The following KMT2D variants were observed in gnomAD, a reference collection of about 807,000 sequenced individuals.
The protein encoded by KMT2D is lysine methyltransferase 2D, also known as histone-lysine N-methyltransferase 2D.
A neutral mutation model predicts 512.7 loss-of-function variants in KMT2D; 55 were observed. That is an observed-to-expected ratio of 0.11 (90% CI 0.09 to 0.13). The LOEUF is 0.13. Ranked by LOEUF, KMT2D falls within the 10% of genes least tolerant of loss-of-function variation. KMT2D has a pLI of 1.00. For synonymous variants in KMT2D, 2,995 were observed against 2,904.0 expected, an observed-to-expected ratio of 1.03 and a Z score of -1.01; for missense variants, 6,061 against 7,127.9, an observed-to-expected ratio of 0.85 and a Z score of 5.39.
At chr12:49,034,029 G>A (rs1943090372) in intron 39 of KMT2D, 38 bp downstream of exon 39, 2 of 1,589,644 alleles carry the variant, frequency 1.3e-6, no homozygotes, top group Admixed American at 1.8e-5. Flanking sequence ...CCTCTTCCCT[G>A]CCTTCTGGGT....
chr12:49,036,243 T>C (rs1943208538), intron 35 of KMT2D, among the ~76,000 whole-genome samples: 1 of 152,060 alleles, frequency 6.6e-6, no homozygotes, highest in Non-Finnish European at 1.5e-5. Flanking sequence ...ATTCACTCAC[T>C]GTTCTTGAAA....
rs745998117 is a variant in KMT2D, at chr12:49,050,726, C to A, written c.2862G>T (p.Leu954Phe). The change falls in exon 12 of 55, where the codon TTG (leucine) becomes TTT (phenylalanine). Residue 954 changes from leucine (L) to phenylalanine (F), a missense_variant. Physicochemically the swap from Leu to Phe is conservative, Grantham distance 22. Transcript: ENST00000301067. ...TAAAPPALSP[L>F]GELEYPFGAK... Reference sequence around the variant, plus strand: ...CACCAAAGGGGTACTCTAACTCCCCCAAAGGAGACAGGGCCGGTGGGGCCG... The same window carrying A: ...CACCAAAGGGGTACTCTAACTCCCCAAAAGGAGACAGGGCCGGTGGGGCCG... 62 of 1,613,088 alleles carry A rather than the reference C, an allele frequency of 3.8e-5. No homozygotes were observed. The highest frequency in any genetic ancestry group is 4.7e-5 in the Non-Finnish European group (56 of 1,179,592).
Position 49,019,041 on chromosome 12 carries a change from ACTTGCC to A in KMT2D, c.*2733_*2738del. 7.3e-7 allele frequency: 1 copy of A among 1,367,346 alleles called. No homozygotes were observed. Among genetic ancestry groups the A allele is most frequent in the Non-Finnish European group, 9.4e-7 (1 of 1,061,222 alleles). The allele number at this position is 1,367,346 out of a possible 1,614,324, so 84.7% of individuals were successfully genotyped here. ...AAACTTGGAAGAAGCAAAATCCAAA[ACTTGCC>A]CTTTGCCTCTCGCAACATAAATATG... On this transcript the variant is annotated 3_prime_UTR_variant, in exon 55 of 55. Transcript: ENST00000301067.
At position 49,050,017 on chromosome 12, in the gene KMT2D, G is replaced by A. The variant is rs1565813066; in HGVS notation, c.3571C>T (p.Pro1191Ser). The A allele has an allele frequency of 6.2e-7, 1 of 1,613,914 alleles. No homozygotes were observed. Among genetic ancestry groups the A allele is most frequent in the Non-Finnish European group, 8.5e-7 (1 of 1,179,892 alleles). ...AGAGTGGGTGGTGTGGGGGCCACCGGTGCACGTGGCTCTTCCTGTTCTTCA... is the reference window on the plus strand; with the variant it reads ...AGAGTGGGTGGTGTGGGGGCCACCGATGCACGTGGCTCTTCCTGTTCTTCA... ...PCEEQEEPRA[P>S]VAPTPPTLIK... The change falls in exon 12 of 55, where the codon CCG becomes TCG. Residue 1191 changes from proline to serine, a missense_variant. Around this residue, in one of 16 missense-constraint regions of KMT2D, gnomAD observed 447 missense variants for 500.1 expected, o/e 0.89. Coordinates refer to ENST00000301067, the MANE Select transcript of KMT2D (RefSeq NM_003482.4).
chr12:49,031,456 G>C lies in KMT2D; in HGVS notation c.13249C>G (p.Gln4417Glu), dbSNP rs1484977768. 1 of 1,613,600 alleles carries C rather than the reference G, an allele frequency of 6.2e-7. No homozygotes were observed. The highest frequency in any genetic ancestry group is 1.3e-5 in the African/African-American group (1 of 74,918). Residue 4417 changes from glutamine to glutamate, a missense_variant, in exon 40 of 55, where the codon CAG (glutamine) becomes GAG (glutamate). Gln to Glu is a conservative substitution (Grantham distance 29, BLOSUM62 2). This residue lies in a region of KMT2D where 1,600 missense variants were observed against 1,754.9 expected (regional missense o/e 0.91). Transcript: ENST00000301067. ...GCACATGGCTCTTCCCGAGGTTCCT[G>C]CTTGATGCTGAGTTGGGATGCCTCA... ...VPEASQLSIK[Q>E]EPREEPCALG... is the part of the protein sequence containing the mutation.
At position 49,054,772 on chromosome 12, in the gene KMT2D, G is replaced by A. The variant is rs1295155264; in HGVS notation, c.177-21C>T. 1.2e-6 allele frequency: 2 copies of A among 1,610,292 alleles called. No individual in the cohort carries two copies. Among genetic ancestry groups the A allele is most frequent in the Admixed American group, 1.7e-5 (1 of 59,962 alleles). On this transcript the variant is annotated intron_variant, in intron 3 of 54. Transcript: ENST00000301067. This position sits in a 1 kb window ranked among gnomAD's most constrained non-coding sequence, Gnocchi z 6.4. The stretch of plus-strand genomic sequence containing the variant: ...CCCCACTGTGGACACACAAGCATCA[G>A]TACCACGCCAGGCCCCCAGCAACCC...
At position 49,044,195 on chromosome 12, in the gene KMT2D, C is replaced by CTCA. The variant is rs991832943; in HGVS notation, c.5188+2_5188+4dup. ...AGGCCCCACTGGTGCCCTCACCCGT[C>CTCA]TCACCCTCGTCGGGCTGCCCATCCC... On this transcript the variant is annotated splice_donor_region_variant and intron_variant, in intron 22 of 54. Coordinates refer to ENST00000301067, the MANE Select transcript of KMT2D (RefSeq NM_003482.4). The surrounding 1 kb of genome is among the most constrained non-coding windows in gnomAD (Gnocchi z 6.4). 1 of 1,610,868 alleles carries CTCA rather than the reference C, an allele frequency of 6.2e-7. No individual in the cohort carries two copies. Among genetic ancestry groups the CTCA allele is most frequent in the Non-Finnish European group, 8.5e-7 (1 of 1,179,424 alleles).
At position 49,039,183 on chromosome 12, in the gene KMT2D, C is replaced by T. The variant is rs2049739452; in HGVS notation, c.8366+39G>A. On this transcript the variant is annotated intron_variant, in intron 34 of 54. Coordinates refer to ENST00000301067, the MANE Select transcript of KMT2D (RefSeq NM_003482.4). The surrounding 1 kb of genome is among the most constrained non-coding windows in gnomAD (Gnocchi z 5.0). ...GCTTCCAACAGTGATAAAATCCATC[C>T]CCCTTGGTTTACCCCCAGGGAACCT... 1 of 1,608,290 alleles carries T rather than the reference C, an allele frequency of 6.2e-7. No homozygotes were observed. Among genetic ancestry groups the T allele is most frequent in the East Asian group, 2.2e-5 (1 of 44,838 alleles).
At position 49,026,222 on chromosome 12, in the gene KMT2D, C is replaced by G. The variant is rs1326023273; in HGVS notation, c.15744G>C (p.Gln5248His). 6.3e-7 allele frequency: 1 copy of G among 1,599,628 alleles called. No homozygotes were observed. Among genetic ancestry groups the G allele is most frequent in the Non-Finnish European group, 8.6e-7 (1 of 1,168,446 alleles). ...CAGTGAAGACCAGGTCCTCCAGGCC[C>G]TGCTCGATGACTTTGATTACAAACT... ...RPEFVIKVIE[Q>H]GLEDLVFTDA... Residue 5248 changes from glutamine to histidine, a missense_variant, in exon 49 of 55, where the codon CAG (glutamine) becomes CAC (histidine). Physicochemically the swap from Gln to His is conservative, Grantham distance 24 (BLOSUM62 0). Around this residue, in one of 16 missense-constraint regions of KMT2D, gnomAD observed 261 missense variants for 440.7 expected, o/e 0.59. Coordinates refer to ENST00000301067, the MANE Select transcript of KMT2D (RefSeq NM_003482.4). The surrounding 1 kb of genome is among the most constrained non-coding windows in gnomAD (Gnocchi z 9.6).
chr12:49,046,587 C>T lies in KMT2D; in HGVS notation c.4418+22G>A, dbSNP rs1447901826. 6.2e-7 allele frequency: 1 copy of T among 1,601,628 alleles called. No individual in the cohort carries two copies. The highest frequency in any genetic ancestry group is 2.2e-5 in the East Asian group (1 of 44,684). Reference sequence around the variant, plus strand: ...AACATCTCAAGGCCCCAGGGCTCCACTGAAGATCCCAGTCTCCTTACCACT... The same window carrying T: ...AACATCTCAAGGCCCCAGGGCTCCATTGAAGATCCCAGTCTCCTTACCACT... On this transcript the variant is annotated intron_variant, in intron 16 of 54. Coordinates refer to ENST00000301067, the MANE Select transcript of KMT2D (RefSeq NM_003482.4). The surrounding 1 kb of genome is among the most constrained non-coding windows in gnomAD (Gnocchi z 4.2).
chr12:49,037,061 G>A (rs1943255225), intron 35 of KMT2D, 64 bp downstream of exon 35: 3 of 1,511,558 alleles, frequency 2.0e-6, no homozygotes, highest in African/African-American at 1.4e-5. Flanking sequence ...TCTAGCCTCA[G>A]TGCCCATTTA....
Position 49,029,062 on chromosome 12 carries a change from T to A in KMT2D, c.14250A>T (p.Pro4750=), listed in dbSNP as rs766829760. 8.1e-6 allele frequency: 13 copies of A among 1,602,062 alleles called. No individual in the cohort carries two copies. The highest frequency in any genetic ancestry group is 6.7e-5 in the Admixed American group (4 of 59,572). Residue 4750 remains proline, a splice_region_variant and synonymous_variant, in exon 45 of 55, where the codon CCA becomes CCT. Coordinates refer to ENST00000301067, the MANE Select transcript of KMT2D (RefSeq NM_003482.4). ...GCCCACATCCAGAGTAGCACATACC[T>A]GGGATGCTGGCCCGAGGAATGAGGG... ...VIPLIPRASI[P]VFPDTKPYGA... is the part of the protein sequence containing the mutation.
At position 49,024,912 on chromosome 12, in the gene KMT2D, G is replaced by A. The variant is rs1942499617; in HGVS notation, c.15819C>T (p.Ala5273=). 4 of 1,598,462 alleles carry A rather than the reference G, an allele frequency of 2.5e-6. No individual in the cohort carries two copies. The East Asian group carries it at 9.1e-5, about 36-fold the overall frequency. ...GCAGCATGTCAGCCTCTTTTCTCATGGCAGCCACAGGCTCAATGATGCGAT... is the reference window on the plus strand; with the variant it reads ...GCAGCATGTCAGCCTCTTTTCTCATAGCAGCCACAGGCTCAATGATGCGAT... ...VWNRIIEPVA[A]MRKEADMLRL... is the part of the protein sequence containing the mutation. The change falls in exon 50 of 55, where the codon GCC becomes GCT. Residue 5273 remains alanine, a synonymous_variant. Coordinates refer to ENST00000301067, the MANE Select transcript of KMT2D (RefSeq NM_003482.4). This position sits in a 1 kb window ranked among gnomAD's most constrained non-coding sequence, Gnocchi z 4.5.
At position 49,051,696 on chromosome 12, in the gene KMT2D, A is replaced by T. The variant is rs1299429824; in HGVS notation, c.1987T>A (p.Ser663Thr). Residue 663 changes from serine (S) to threonine (T), a missense_variant, in exon 11 of 55, where the codon TCT becomes ACT. Transcript: ENST00000301067. ...AAGGGAGATTCCTCAGGCGGTGGAG[A>T]CAGGCGTGACACCACAGGCAGGGGG... is the stretch of plus-strand genomic sequence containing the variant. ...LSPLPVVSRL[S>T]PPPEESPLSP... is the part of the protein sequence containing the mutation. 2.1e-6 allele frequency: 3 copies of T among 1,429,280 alleles called. No homozygotes were observed. The African/African-American group carries it at 4.5e-5, about 21-fold the overall frequency. 88.5% of individuals were successfully genotyped at this position (1,429,280 alleles called of 1,614,324 possible).
intron 35 of KMT2D, among the ~76,000 whole-genome samples, chr12:49,036,546 T>C (rs550719353): frequency 7.1e-6 from 1 of 140,118 alleles, no homozygotes; most frequent in Non-Finnish European, 1.5e-5. Context: ...TGGAGTGCAA[T>C]GAGGCGATCT....
In KMT2D at chr12:49,026,628, T is replaced by C. The variant is rs1241895194; in HGVS notation, c.15338A>G (p.Tyr5113Cys). 6.2e-7 allele frequency: 1 copy of C among 1,613,978 alleles called. No individual in the cohort carries two copies. Among genetic ancestry groups the C allele is most frequent in the East Asian group, 2.2e-5 (1 of 44,878 alleles). ...SCNRMRCPNV[Y>C]HFACAIRAKC... ...GGCACGGATGGCACAAGCAAAATGG[T>C]AGACATTGGGGCAACGCATGCGATT... Residue 5113 changes from tyrosine to cysteine, a missense_variant, in exon 49 of 55, where the codon TAC becomes TGC. Physicochemically the swap from Tyr to Cys is radical, Grantham distance 194. Coordinates refer to ENST00000301067, the MANE Select transcript of KMT2D (RefSeq NM_003482.4). This position sits in a 1 kb window ranked among gnomAD's most constrained non-coding sequence, Gnocchi z 9.6.
Position 49,051,101 on chromosome 12 carries a change from G to A in KMT2D, c.2582C>T (p.Ser861Phe), listed in dbSNP as rs398123739. 2 of 1,523,020 alleles carry A rather than the reference G, an allele frequency of 1.3e-6. No homozygotes were observed. Among genetic ancestry groups the A allele is most frequent in the East Asian group, 2.3e-5 (1 of 44,108 alleles). The allele number at this position is 1,523,020 out of a possible 1,614,324, so 94.3% of individuals were successfully genotyped here. Residue 861 changes from serine to phenylalanine, a missense_variant, in exon 11 of 55, where the codon TCC (serine) becomes TTC (phenylalanine). This residue lies in a region of KMT2D where 848 missense variants were observed against 838.5 expected (regional missense o/e 1.01). Coordinates refer to ENST00000301067, the MANE Select transcript of KMT2D (RefSeq NM_003482.4). ...CTCAGGGGGCTTTTCAGGCCGAGGG[G>A]ACAGGGGTGGCTTCTCAAGCTCAGG... ...LSPELEKPPL[S>F]PRPEKPPEEP...
rs2120486892 is a variant in KMT2D at position 49,037,875 on chromosome 12, T to C, written c.9481A>G (p.Met3161Val). The C allele has an allele frequency of 6.3e-7, 1 of 1,597,766 alleles. No homozygotes were observed. The highest frequency in any genetic ancestry group is 8.5e-7 in the Non-Finnish European group (1 of 1,172,272). Residue 3161 changes from methionine (M) to valine (V), a missense_variant, in exon 35 of 55, where the codon ATG becomes GTG. Physicochemically the swap from Met to Val is conservative, Grantham distance 21 (BLOSUM62 1). Around this residue, in one of 16 missense-constraint regions of KMT2D, gnomAD observed 533 missense variants for 539.6 expected, o/e 0.99. Transcript: ENST00000301067. ...GLGLKPGQSM[M>V]GSRDTRMGTG... ...CCCATCCGGGTATCCCGGCTGCCCA[T>C]CATGCTCTGTCCTGGCTTTAGCCCC...
At position 49,024,817 on chromosome 12, in the gene KMT2D, G is replaced by A. The variant is rs2137711358; in HGVS notation, c.15914C>T (p.Ala5305Val). ...TCCCAGCCCCTTCCTTACTGATTCA[G>A]CTATGCGAAGCACGGCATGCACCGT... The part of the protein sequence containing the change: ...GLTVHAVLRI[A>V]ESLPGVESCQ... Residue 5305 changes from alanine to valine, a missense_variant, in exon 50 of 55, where the codon GCT (alanine) becomes GTT (valine). Physicochemically the swap from Ala to Val is moderately conservative, Grantham distance 64. Around this residue, in one of 16 missense-constraint regions of KMT2D, gnomAD observed 261 missense variants for 440.7 expected, o/e 0.59. Coordinates refer to ENST00000301067, the MANE Select transcript of KMT2D (RefSeq NM_003482.4). The surrounding 1 kb of genome is among the most constrained non-coding windows in gnomAD (Gnocchi z 4.5). The A allele has an allele frequency of 6.2e-7, 1 of 1,612,880 alleles. No homozygotes were observed. Among genetic ancestry groups the A allele is most frequent in the Non-Finnish European group, 8.5e-7 (1 of 1,179,352 alleles).
Sources: gnomAD v4.1 joint callset for allele counts (sites outside exome capture counted in the v4.1 genomes callset) on GRCh38, gnomAD v4.1.1 for gene constraint, gnomAD v4.1.1 regional missense constraint, Gnocchi (gnomAD v3.1) non-coding constraint, MANE v1.5 for transcripts, NCBI Gene and HGNC (gene_info 2026-07-23, HGNC 2026-07-21) for gene names.